KHNYN: variants seen among roughly 807,000 people sequenced by gnomAD.
The protein encoded by KHNYN is protein KHNYN.
A neutral mutation model predicts 62.7 loss-of-function variants in KHNYN; 42 were observed. The ratio of observed to expected loss-of-function variants is 0.67; its 90% confidence interval spans 0.52 to 0.87. The LOEUF is 0.87. Among genes scored for constraint, KHNYN ranks in the 40% least tolerant of loss-of-function variants. The pLI is 0.00. For missense variants in KHNYN, 829 were observed against 874.1 expected, an observed-to-expected ratio of 0.95 and a Z score of 0.65; for synonymous variants, 347 against 345.6, an observed-to-expected ratio of 1.00 and a Z score of -0.04.
At chr14:24,429,872 C>T (rs531426218), upstream of KHNYN, 1,880 of 1,009,082 alleles carry the variant, frequency 1.9e-3, 3 homozygotes, top group Admixed American at 2.9e-3. Flanking sequence ...CCTCTGGGCG[C>T]GGCGGCGGGG....
Position 24,430,711 on chromosome 14 carries a change from C to T in KHNYN, c.-17-3C>T, listed in dbSNP as rs1296500124. Reference sequence around the variant, plus strand: ...GGCTCTGAGCTGCCTTCTCCCCTTCCAGGGCTGGGGGCAGCAGCCATGCCT... The same window carrying T: ...GGCTCTGAGCTGCCTTCTCCCCTTCTAGGGCTGGGGGCAGCAGCCATGCCT... On this transcript the variant is annotated splice_region_variant and splice_polypyrimidine_tract_variant and intron_variant, in intron 1 of 7. Coordinates refer to ENST00000553935, the MANE Select transcript of KHNYN (RefSeq NM_015299.3). The T allele has an allele frequency of 1.3e-6, 2 of 1,552,886 alleles. No individual in the cohort carries two copies. Among genetic ancestry groups the T allele is most frequent in the Non-Finnish European group, 1.7e-6 (2 of 1,147,878 alleles).
rs1594761695 is a variant in KHNYN at position 24,440,019 on chromosome 14, C to T, written c.*2734C>T. 3.6e-6 allele frequency: 5 copies of T among 1,385,630 alleles called. No homozygotes were observed. The highest frequency in any genetic ancestry group is 4.9e-6 in the Non-Finnish European group (5 of 1,019,456). 85.8% of individuals were successfully genotyped at this position (1,385,630 alleles called of 1,614,324 possible). ...CTTCAGCTCTCTAGAGGAGCTGAGC[C>T]TATTCACAGTGCCTAACCTGGAAGC... is the stretch of plus-strand genomic sequence containing the variant. On this transcript the variant is annotated 3_prime_UTR_variant, in exon 8 of 8. Transcript: ENST00000553935.
At chr14:24,428,206 C>T (rs1292363459), upstream of KHNYN, 4 of 1,567,612 alleles carry the variant, frequency 2.6e-6, no homozygotes, top group Non-Finnish European at 3.5e-6. Flanking sequence ...ATGGAGAGTC[C>T]ACCCGGAGGT....
intron 7 of KHNYN, 84 bp from the exon 8 acceptor site, chr14:24,436,952 G>A (rs1035479464): frequency 1.3e-6 from 2 of 1,517,260 alleles, no homozygotes; most frequent in African/African-American, 1.4e-5. Context: ...GGAATAGGCA[G>A]GACAATTACG....
chr14:24,432,465 CGAG>C lies in KHNYN; in HGVS notation c.1206_1208del (p.Gly403del), dbSNP rs770785929. Reference sequence around the variant, plus strand: ...ACGGGGTCGGGGGCCTCAATGGAAACGAGGCGCCCGAGGGGGCAACTTGGTGAC... The same window carrying C: ...ACGGGGTCGGGGGCCTCAATGGAAACGCGCCCGAGGGGGCAACTTGGTGAC... On this transcript the variant is annotated inframe_deletion, in exon 3 of 8. Transcript: ENST00000553935. The surrounding 1 kb of genome is among the most constrained non-coding windows in gnomAD (Gnocchi z 5.6). 83 of 1,613,402 alleles carry C rather than the reference CGAG, an allele frequency of 5.1e-5. No individual in the cohort carries two copies. Among genetic ancestry groups the C allele is most frequent in the Non-Finnish European group, 6.5e-5 (77 of 1,179,914 alleles).
Position 24,430,844 on chromosome 14 carries a change from G to C in KHNYN, c.114G>C (p.Gly38=). 1 of 1,613,584 alleles carries C rather than the reference G, an allele frequency of 6.2e-7. No individual in the cohort carries two copies. The highest frequency in any genetic ancestry group is 8.5e-7 in the Non-Finnish European group (1 of 1,179,800). Residue 38 remains glycine (G), a synonymous_variant, in exon 2 of 8, where the codon GGG becomes GGC. Coordinates refer to ENST00000553935, the MANE Select transcript of KHNYN (RefSeq NM_015299.3). ...ATGTGGAGCGCATCTTCAGCGTGGG[G>C]GTGAGCGTCCTTCCGAAGGACTGTC... ...QPHVERIFSV[G]VSVLPKDCPD...
At chr14:24,429,833 G>C (rs972032811), upstream of KHNYN, 2 of 1,065,448 alleles carry the variant, frequency 1.9e-6, no homozygotes, top group African/African-American at 1.7e-5. Context: ...GAGCCGCCGA[G>C]GGGACTAGGC....
the KHNYN span, among the ~76,000 whole-genome samples, chr14:24,423,830 T>C: frequency 6.6e-6 from 1 of 152,310 alleles, no homozygotes; most frequent in African/African-American, 2.4e-5. Flanking sequence ...AGTCTGTTGT[T>C]AGGATCCTTA....
chr14:24,432,649 G>A lies in KHNYN; in HGVS notation c.1349+39G>A, dbSNP rs984742102. On this transcript the variant is annotated intron_variant, in intron 3 of 7. Transcript: ENST00000553935. The surrounding 1 kb of genome is among the most constrained non-coding windows in gnomAD (Gnocchi z 5.6). ...GGGGCTAAGGGCCTAGGAGAGGGAG[G>A]ATATGTCCTGAGGGGCTGGCATTGT... The A allele has an allele frequency of 8.1e-6, 13 of 1,612,016 alleles. No homozygotes were observed. Among genetic ancestry groups the A allele is most frequent in the African/African-American group, 1.3e-5 (1 of 74,890 alleles).
Position 24,439,920 on chromosome 14 carries a change from G to C in KHNYN, c.*2635G>C, listed in dbSNP as rs1362136741. On this transcript the variant is annotated 3_prime_UTR_variant, in exon 8 of 8. Coordinates refer to ENST00000553935, the MANE Select transcript of KHNYN (RefSeq NM_015299.3). ...TAATGTCCCAACCTGATGAGATTACGGCCTTGAGACAATAAGGTGGAGCAA... is the reference window on the plus strand; with the variant it reads ...TAATGTCCCAACCTGATGAGATTACCGCCTTGAGACAATAAGGTGGAGCAA... 3.8e-5 allele frequency: 23 copies of C among 606,204 alleles called. No homozygotes were observed. Among genetic ancestry groups the C allele is most frequent in the Non-Finnish European group, 5.7e-5 (20 of 353,368 alleles). 37.6% of individuals were successfully genotyped at this position (606,204 alleles called of 1,614,324 possible).
At chr14:24,425,393 T>G (rs1286899539), upstream of KHNYN, among the ~76,000 whole-genome samples, 2 of 152,170 alleles carry the variant, frequency 1.3e-5, no homozygotes, top group Non-Finnish European at 2.9e-5. Context: ...GAAATATTGG[T>G]GCATATTTCA....
rs753695564 is a variant in KHNYN, at chr14:24,437,158, G to T, written c.1910G>T (p.Arg637Leu). Residue 637 changes from arginine (R) to leucine (L), a missense_variant, in exon 8 of 8, where the codon CGG (arginine) becomes CTG (leucine). Transcript: ENST00000553935. The surrounding 1 kb of genome is among the most constrained non-coding windows in gnomAD (Gnocchi z 5.5). ...ATTCGGAAGACCCGGGAAACAGAGCGGCTCCGGCGGCAGCTGCTGGAGGTG... is the reference window on the plus strand; with the variant it reads ...ATTCGGAAGACCCGGGAAACAGAGCTGCTCCGGCGGCAGCTGCTGGAGGTG... Reference protein sequence around the residue: ...GGIRKTRETERLRRQLLEVFW... With the variant: ...GGIRKTRETELLRRQLLEVFW... The T allele has an allele frequency of 6.2e-7, 1 of 1,614,200 alleles. No individual in the cohort carries two copies. The highest frequency in any genetic ancestry group is 1.7e-5 in the Admixed American group (1 of 60,024).
chr14:24,428,873 C>A (rs779417158), upstream of KHNYN: 29 of 1,603,482 alleles, frequency 1.8e-5, no homozygotes, highest in Non-Finnish European at 2.3e-5. Context: ...CAGGGCTGCT[C>A]CCCCGGGCCC....
rs2043329645 is a variant in KHNYN at position 24,441,226 on chromosome 14, T to C, written c.*3941T>C. On this transcript the variant is annotated 3_prime_UTR_variant, in exon 8 of 8. Coordinates refer to ENST00000553935, the MANE Select transcript of KHNYN (RefSeq NM_015299.3). The stretch of plus-strand genomic sequence containing the variant: ...CTCATTTATTAACTCTCTGACTTGA[T>C]GCAAGTTACTTAACCTCTCTGTATA... The C allele has an allele frequency of 2.0e-6, 1 of 496,428 alleles. No homozygotes were observed. Among genetic ancestry groups the C allele is most frequent in the Non-Finnish European group, 3.6e-6 (1 of 274,980 alleles). 30.8% of individuals were successfully genotyped at this position (496,428 alleles called of 1,614,324 possible).
At position 24,437,000 on chromosome 14, in the gene KHNYN, A is replaced by C. The variant is rs188482768; in HGVS notation, c.1788-36A>C. 2.5e-5 allele frequency: 40 copies of C among 1,590,016 alleles called. No homozygotes were observed. In the East Asian group the frequency reaches 9.0e-4, roughly 36 times the overall value. On this transcript the variant is annotated intron_variant, in intron 7 of 7. Coordinates refer to ENST00000553935, the MANE Select transcript of KHNYN (RefSeq NM_015299.3). Reference sequence around the variant, plus strand: ...ACTAAGATCTAATTTCCCCCCCAGGATGCTCATCAGCTCTTTTTGGTCTGT... The same window carrying C: ...ACTAAGATCTAATTTCCCCCCCAGGCTGCTCATCAGCTCTTTTTGGTCTGT...
chr14:24,435,849 A>C, intron 5 of KHNYN: 1 of 571,482 alleles, frequency 1.7e-6, no homozygotes, highest in Non-Finnish European at 3.1e-6. Flanking sequence ...TATGGGAGAC[A>C]GTAAAACTTC....
intron 2 of KHNYN, 72 bp downstream of exon 2, chr14:24,431,003 C>A (rs1956905): frequency 8.0e-6 from 12 of 1,502,934 alleles, no homozygotes; most frequent in South Asian, 7.5e-5. Flanking sequence ...AGAGCAGGGC[C>A]GAGGAGAGCA....
rs117857538 is a variant in KHNYN at position 24,435,229 on chromosome 14, A to G, written c.1578-843A>G. On this transcript the variant is annotated intron_variant, in intron 5 of 7. Transcript: ENST00000553935. Reference sequence around the variant, plus strand: ...AGAAATATGGAAGTCAGCATAAGACATATGTGGAGAGCAGAGTGTAATCTG... The same window carrying G: ...AGAAATATGGAAGTCAGCATAAGACGTATGTGGAGAGCAGAGTGTAATCTG... 7.2e-5 allele frequency among the ~76,000 whole-genome samples: 11 copies of G among 152,360 alleles called. No homozygotes were observed. In the East Asian group the frequency reaches 2.1e-3, roughly 29 times the overall value.
chr14:24,441,611 CAG>C lies in KHNYN; in HGVS notation c.*4329_*4330del. The C allele has an allele frequency of 5.0e-6, 7 of 1,411,102 alleles. No homozygotes were observed. The highest frequency in any genetic ancestry group is 2.5e-4 in the Middle Eastern group (1 of 3,930). The allele number at this position is 1,411,102 out of a possible 1,614,324, so 87.4% of individuals were successfully genotyped here. A position where few individuals can be genotyped will look rare whatever the true frequency, so the allele number is the denominator to read the frequency against. On this transcript the variant is annotated 3_prime_UTR_variant, in exon 8 of 8. Coordinates refer to ENST00000553935, the MANE Select transcript of KHNYN (RefSeq NM_015299.3). Reference sequence around the variant, plus strand: ...CAGTGCTCTGGTGTGTGCATAGCTACAGAGGTCTGAGTTACCCCGTTCCCCTG... The same window carrying C: ...CAGTGCTCTGGTGTGTGCATAGCTACAGGTCTGAGTTACCCCGTTCCCCTG...
Sources: allele counts gnomAD v4.1 joint callset (sites outside exome capture counted in the v4.1 genomes callset), GRCh38; gene constraint gnomAD v4.1.1; non-coding constraint Gnocchi (gnomAD v3.1); transcripts MANE v1.5; gene names NCBI Gene and HGNC (gene_info 2026-07-23, HGNC 2026-07-21).